The following GPC6 variants were observed in gnomAD, a reference collection of about 807,000 sequenced individuals.
GPC6 encodes glypican 6.
In GPC6, 14 loss-of-function variants were observed where a neutral mutation model predicts 55.2. The observed-to-expected ratio is 0.25, with a 90% CI of 0.17 to 0.40. GPC6 has a LOEUF of 0.40. Ranked by LOEUF, GPC6 falls within the 10% of genes least tolerant of loss-of-function variation. GPC6 has a pLI of 1.00. For missense variants in GPC6, 641 were observed against 708.5 expected, an observed-to-expected ratio of 0.90 and a Z score of 1.08; for synonymous variants, 278 against 259.6, an observed-to-expected ratio of 1.07 and a Z score of -0.68.
intron 8 of GPC6, 111 bp downstream of exon 8, chr13:94,398,752 T>C: frequency 1.2e-6 from 1 of 849,910 alleles, no homozygotes; most frequent in Non-Finnish European, 1.9e-6. Flanking sequence ...ATTCTCATTC[T>C]TCCTCAGGCT....
At chr13:93,558,970 A>G (rs1875618374) in intron 2 of GPC6, among the ~76,000 whole-genome samples, 1 of 152,178 alleles carries the variant, frequency 6.6e-6, no homozygotes, top group Admixed American at 6.5e-5. Flanking sequence ...GAGAATTTTT[A>G]TATGTGGCCA....
At chr13:94,306,403 AC>A in intron 6 of GPC6, 1 of 478,300 alleles carries the variant, frequency 2.1e-6, no homozygotes, top group Non-Finnish European at 3.8e-6. Flanking sequence ...TAATTTGAAA[AC>A]TAAGTTGCCA....
chr13:93,644,535 A>G (rs1880090308), intron 2 of GPC6, among the ~76,000 whole-genome samples: 1 of 152,082 alleles, frequency 6.6e-6, no homozygotes, highest in Non-Finnish European at 1.5e-5. Flanking sequence ...AGTAAAGTTA[A>G]TGGAATAGGG....
At chr13:94,331,621 T>C (rs917610285) in intron 6 of GPC6, among the ~76,000 whole-genome samples, 1 of 152,202 alleles carries the variant, frequency 6.6e-6, no homozygotes, top group South Asian at 2.1e-4. Context: ...TGTCAAGTTG[T>C]TGGAAGTATT....
chr13:93,289,319 A>C (rs1332581463), intron 1 of GPC6, among the ~76,000 whole-genome samples: 3 of 152,156 alleles, frequency 2.0e-5, no homozygotes, highest in Non-Finnish European at 4.4e-5. Flanking sequence ...CGTAAAATGC[A>C]AATAGTAGTA....
intron 2 of GPC6, among the ~76,000 whole-genome samples, chr13:93,672,569 A>G (rs1008912173): frequency 6.6e-6 from 1 of 151,850 alleles, no homozygotes; most frequent in African/African-American, 2.4e-5. Context: ...CCTCTTTTGT[A>G]TGGCACATTA....
chr13:93,365,695 A>T (rs1364558684), intron 1 of GPC6, among the ~76,000 whole-genome samples: 2 of 152,004 alleles, frequency 1.3e-5, no homozygotes, highest in African/African-American at 4.8e-5. Flanking sequence ...GGGAACAATT[A>T]TTGTGATTCT....
intron 4 of GPC6, among the ~76,000 whole-genome samples, chr13:94,049,778 T>C (rs113503739): frequency 0.012 from 1,757 of 152,254 alleles, 44 homozygotes; most frequent in African/African-American, 0.041. Flanking sequence ...CCTATCTGTT[T>C]GTTTGGGTAT....
chr13:93,264,854 T>G (rs1474540411), intron 1 of GPC6, among the ~76,000 whole-genome samples: 1 of 152,164 alleles, frequency 6.6e-6, no homozygotes, highest in Non-Finnish European at 1.5e-5. Flanking sequence ...TTTTCACCCC[T>G]CCATTTGTTG....
intron 1 of GPC6, among the ~76,000 whole-genome samples, chr13:93,423,623 G>A (rs546781102): frequency 7.9e-5 from 12 of 152,110 alleles, no homozygotes; most frequent in Non-Finnish European, 1.3e-4. Flanking sequence ...GGACTTGATC[G>A]TCTCTCTGGG....
chr13:94,353,542 G>A (rs1317932604), intron 6 of GPC6, among the ~76,000 whole-genome samples: 1 of 151,840 alleles, frequency 6.6e-6, no homozygotes, highest in Non-Finnish European at 1.5e-5. Context: ...ACACTTTCCT[G>A]AGAAAAAAGA....
intron 4 of GPC6, among the ~76,000 whole-genome samples, chr13:94,274,013 C>A (rs906994960): frequency 6.6e-6 from 1 of 152,182 alleles, no homozygotes; most frequent in East Asian, 1.9e-4. Flanking sequence ...ACAAGGCCTA[C>A]TCTTCCTGGC....
chr13:93,782,982 T>C (rs1885703226), intron 2 of GPC6, among the ~76,000 whole-genome samples: 1 of 152,126 alleles, frequency 6.6e-6, no homozygotes, highest in South Asian at 2.1e-4. Flanking sequence ...TATGCTGCCC[T>C]TCCCCAACAG....
chr13:93,358,260 C>T (rs910498093), intron 1 of GPC6, among the ~76,000 whole-genome samples: 2 of 151,980 alleles, frequency 1.3e-5, no homozygotes, highest in African/African-American at 4.8e-5. Flanking sequence ...GGAATGATTG[C>T]TTGAGCCTGG....
intron 1 of GPC6, among the ~76,000 whole-genome samples, chr13:93,466,341 T>C (rs1878904812): frequency 6.6e-6 from 1 of 152,256 alleles, no homozygotes; most frequent in African/African-American, 2.4e-5. Context: ...TATCACGTGA[T>C]GTATAATTAT....
upstream of GPC6, among the ~76,000 whole-genome samples, chr13:93,224,752 A>G (rs1875712448): frequency 2.0e-5 from 3 of 152,114 alleles, no homozygotes; most frequent in African/African-American, 4.8e-5. Context: ...TGTCTCTTAC[A>G]CCACTGCAAA....
intron 4 of GPC6, among the ~76,000 whole-genome samples, chr13:94,031,336 A>G (rs1290744748): frequency 6.6e-6 from 1 of 152,226 alleles, no homozygotes; most frequent in Non-Finnish European, 1.5e-5. Flanking sequence ...CCTATTTTAG[A>G]GTACTTAAAA....
intron 4 of GPC6, among the ~76,000 whole-genome samples, chr13:94,063,637 A>C (rs1884414584): frequency 6.6e-6 from 1 of 152,262 alleles, no homozygotes; most frequent in East Asian, 1.9e-4. Flanking sequence ...AAATAGCCTA[A>C]GTTTGTCCTC....
chr13:93,788,223 G>C (rs1409083727), intron 2 of GPC6, among the ~76,000 whole-genome samples: 1 of 152,078 alleles, frequency 6.6e-6, no homozygotes, highest in African/African-American at 2.4e-5. Flanking sequence ...TTCCAATATG[G>C]TGCGTTGATA....
Sources: allele counts gnomAD v4.1 joint callset (sites outside exome capture counted in the v4.1 genomes callset), GRCh38; gene constraint gnomAD v4.1.1; transcripts MANE v1.5; gene names NCBI Gene and HGNC (gene_info 2026-07-23, HGNC 2026-07-21).